Variants in PXDNL observed in about 807,000 individuals in gnomAD.
The protein encoded by PXDNL is probable oxidoreductase PXDNL.
PXDNL carries 145 observed loss-of-function variants against 150.8 expected under a neutral mutation model. That is an observed-to-expected ratio of 0.96 (90% CI 0.84 to 1.10). The LOEUF (loss-of-function observed/expected upper bound fraction) is 1.10. PXDNL is among the 50% of genes least tolerant of loss of function. The pLI, the probability that PXDNL is intolerant of heterozygous loss-of-function variation, is 0.00. For missense variants in PXDNL, 2,087 were observed against 1,873.9 expected, an observed-to-expected ratio of 1.11 and a Z score of -2.10; for synonymous variants, 757 against 725.7, an observed-to-expected ratio of 1.04 and a Z score of -0.69.
At chr8:51,714,305 C>T (rs1027264487) in intron 1 of PXDNL, among the ~76,000 whole-genome samples, 4 of 152,178 alleles carry the variant, frequency 2.6e-5, no homozygotes, top group Non-Finnish European at 5.9e-5. Flanking sequence ...GAATTCAAGA[C>T]ATCATTTCTC....
chr8:51,460,160 G>C (rs1205249172), intron 8 of PXDNL, among the ~76,000 whole-genome samples: 1 of 150,766 alleles, frequency 6.6e-6, no homozygotes, highest in East Asian at 2.0e-4. Context: ...GAGGTAGGAG[G>C]ATTGCTTGAG....
intron 2 of PXDNL, among the ~76,000 whole-genome samples, chr8:51,637,430 C>T (rs533111244): frequency 1.3e-5 from 2 of 152,182 alleles, no homozygotes; most frequent in South Asian, 2.1e-4. Flanking sequence ...TCGAACCCAT[C>T]GCAAAGAAGC....
chr8:51,463,355 C>T (rs571629392), intron 8 of PXDNL, among the ~76,000 whole-genome samples: 24 of 152,100 alleles, frequency 1.6e-4, no homozygotes, highest in African/African-American at 5.8e-4. Context: ...TTAAAAAGAC[C>T]CAATCTTTTG....
intron 5 of PXDNL, among the ~76,000 whole-genome samples, chr8:51,490,893 TG>T (rs1323069555): frequency 6.6e-6 from 1 of 152,054 alleles, no homozygotes; most frequent in African/African-American, 2.4e-5. Context: ...AGTGTTAATT[TG>T]ATTGGATTGA....
At chr8:51,670,018 C>T (rs892988747) in intron 1 of PXDNL, among the ~76,000 whole-genome samples, 1 of 152,176 alleles carries the variant, frequency 6.6e-6, no homozygotes, top group Non-Finnish European at 1.5e-5. Context: ...GGGCAGATCA[C>T]TTGAGGTCAA....
In PXDNL at chr8:51,510,753, C is replaced by T. The variant is rs577484619; in HGVS notation, c.381-10983G>A. Among the ~76,000 whole-genome samples, 39 of 152,196 alleles carry T rather than the reference C, an allele frequency of 2.6e-4. No individual in the cohort carries two copies. In the East Asian group the frequency reaches 7.4e-3, roughly 29 times the overall value. On this transcript the variant is annotated intron_variant, in intron 4 of 22. Transcript: ENST00000356297. ...GTTCACACCTGTAATCTCAGCACTT[C>T]GGGAGGCCAAAGCGGGTGGATCATC...
At chr8:51,357,603 G>A (rs752747006) in intron 19 of PXDNL, among the ~76,000 whole-genome samples, 1 of 152,170 alleles carries the variant, frequency 6.6e-6, no homozygotes, top group South Asian at 2.1e-4. Context: ...ACACACAATA[G>A]AGAGTATAAA....
At chr8:51,800,364 CAAGTT>C (rs1470897284) in intron 1 of PXDNL, among the ~76,000 whole-genome samples, 1 of 152,190 alleles carries the variant, frequency 6.6e-6, no homozygotes, top group Non-Finnish European at 1.5e-5. Flanking sequence ...CTCAGAAAGA[CAAGTT>C]AATAACGCTA....
At chr8:51,360,515 A>G (rs541080768) in intron 19 of PXDNL, among the ~76,000 whole-genome samples, 1 of 152,330 alleles carries the variant, frequency 6.6e-6, no homozygotes, top group East Asian at 1.9e-4. Context: ...ACAACTACAC[A>G]TGCACACACC....
At chr8:51,771,397 A>C (rs569481748) in intron 1 of PXDNL, among the ~76,000 whole-genome samples, 1 of 152,340 alleles carries the variant, frequency 6.6e-6, no homozygotes, top group South Asian at 2.1e-4. Flanking sequence ...AGGAAAAATA[A>C]ACATTTAAAT....
At chr8:51,424,221 C>T (rs1809030567) in intron 13 of PXDNL, among the ~76,000 whole-genome samples, 1 of 151,904 alleles carries the variant, frequency 6.6e-6, no homozygotes. Flanking sequence ...GAACAAAAGT[C>T]AGCCAGGCAT....
At chr8:51,644,625 A>AATT (rs10626597) in intron 2 of PXDNL, among the ~76,000 whole-genome samples, 1 of 150,670 alleles carries the variant, frequency 6.6e-6, no homozygotes, top group Non-Finnish European at 1.5e-5. Flanking sequence ...GCGCCCAGCT[A>AATT]TTTTTGTATT....
chr8:51,353,280 T>C (rs1210692859), intron 19 of PXDNL, among the ~76,000 whole-genome samples: 1 of 151,504 alleles, frequency 6.6e-6, no homozygotes, highest in Non-Finnish European at 1.5e-5. Context: ...ATTCATCAAT[T>C]CCACTTATAT....
chr8:51,403,806 T>A (rs908491126), intron 17 of PXDNL, among the ~76,000 whole-genome samples: 6 of 152,158 alleles, frequency 3.9e-5, no homozygotes, highest in African/African-American at 1.4e-4. Context: ...GGTGATTAGG[T>A]CATGATGTGT....
At chr8:51,363,490 T>C (rs1479881060) in intron 19 of PXDNL, among the ~76,000 whole-genome samples, 3 of 151,976 alleles carry the variant, frequency 2.0e-5, no homozygotes, top group Non-Finnish European at 2.9e-5. Flanking sequence ...TAGTGATTGA[T>C]TGAGCAAGCA....
chr8:51,408,162 A>T lies in PXDNL; in HGVS notation c.3462T>A (p.Val1154=). 6.2e-7 allele frequency: 1 copy of T among 1,614,048 alleles called. No homozygotes were observed. Among genetic ancestry groups the T allele is most frequent in the Non-Finnish European group, 8.5e-7 (1 of 1,179,888 alleles). ...RGRDHGIPPY[V]DFRVFCNLTS... is the part of the protein sequence containing the mutation. ...TCAAATTACAGAAAACTCTGAAGTCAACATATGGTGGGATCCCGTGGTCTC... is the reference window on the plus strand; with the variant it reads ...TCAAATTACAGAAAACTCTGAAGTCTACATATGGTGGGATCCCGTGGTCTC... The change falls in exon 17 of 23, where the codon GTT becomes GTA. Residue 1154 remains valine, a synonymous_variant. Coordinates refer to ENST00000356297, the MANE Select transcript of PXDNL (RefSeq NM_144651.5).
intron 2 of PXDNL, among the ~76,000 whole-genome samples, chr8:51,604,400 CA>C (rs1353440092): frequency 2.0e-5 from 3 of 151,860 alleles, no homozygotes; most frequent in Non-Finnish European, 2.9e-5. Flanking sequence ...ATCGCAAGGA[CA>C]AAAAACCAAA....
chr8:51,688,382 T>C (rs1815919619), intron 1 of PXDNL, among the ~76,000 whole-genome samples: 1 of 152,110 alleles, frequency 6.6e-6, no homozygotes, highest in South Asian at 2.1e-4. Context: ...GGGCATTCTG[T>C]TGGCTGAGGA....
At chr8:51,347,174 G>A (rs1806185984) in intron 19 of PXDNL, among the ~76,000 whole-genome samples, 2 of 152,242 alleles carry the variant, frequency 1.3e-5, no homozygotes, top group East Asian at 1.9e-4. Context: ...TTGGAAAATA[G>A]GCAGAGAGTA....
Sources: allele counts gnomAD v4.1 joint callset (sites outside exome capture counted in the v4.1 genomes callset), GRCh38; gene constraint gnomAD v4.1.1; transcripts MANE v1.5; gene names NCBI Gene and HGNC (gene_info 2026-07-23, HGNC 2026-07-21).